Variants in TAFA1 observed in about 807,000 individuals in gnomAD.
TAFA1 encodes TAFA chemokine like family member 1.
In TAFA1, 4 loss-of-function variants were observed where a neutral mutation model predicts 18.5. The ratio of observed to expected loss-of-function variants is 0.22; its 90% CI spans 0.11 to 0.49. The LOEUF (loss-of-function observed/expected upper bound fraction) is 0.49, where lower values mean the gene tolerates loss of function less well. Ranked by LOEUF, TAFA1 falls within the 20% of genes least tolerant of loss-of-function variation. The pLI is 0.98. For missense variants in TAFA1, 147 were observed against 169.0 expected (o/e 0.87, Z 0.72); for synonymous variants, 56 against 55.2 (o/e 1.01, Z -0.06).
chr3:68,088,005 G>C (rs912906173), intron 2 of TAFA1, among the ~76,000 whole-genome samples: 1 of 151,856 alleles, frequency 6.6e-6, no homozygotes, highest in Admixed American at 6.6e-5. Flanking sequence ...TTTGTCTTTC[G>C]GTACTACTAT....
At chr3:68,119,136 G>A (rs888022948) in intron 2 of TAFA1, among the ~76,000 whole-genome samples, 4 of 151,266 alleles carry the variant, frequency 2.6e-5, no homozygotes, top group African/African-American at 9.7e-5. Flanking sequence ...TACTAACATT[G>A]AGCATCTTTT....
chr3:68,150,228 C>G (rs984425042), intron 2 of TAFA1, among the ~76,000 whole-genome samples: 19 of 152,148 alleles, frequency 1.2e-4, no homozygotes, highest in African/African-American at 4.6e-4. Context: ...TCCTAAGATA[C>G]AAAGACGAAT....
At chr3:68,138,486 T>C (rs1274717333) in intron 2 of TAFA1, among the ~76,000 whole-genome samples, 2 of 152,224 alleles carry the variant, frequency 1.3e-5, no homozygotes, top group Admixed American at 1.3e-4. Context: ...TCTATCCTAA[T>C]AAACACGAAA....
the TAFA1 span, among the ~76,000 whole-genome samples, chr3:67,995,349 A>G: frequency 6.6e-6 from 1 of 152,024 alleles, no homozygotes; most frequent in Non-Finnish European, 1.5e-5. Flanking sequence ...CCATCTCCAG[A>G]GTTCCTGATT....
At chr3:68,225,923 C>G (rs916247469) in intron 2 of TAFA1, among the ~76,000 whole-genome samples, 1 of 151,552 alleles carries the variant, frequency 6.6e-6, no homozygotes, top group Non-Finnish European at 1.5e-5. Flanking sequence ...CTTTGAAAAC[C>G]ATCAATATGG....
intron 2 of TAFA1, among the ~76,000 whole-genome samples, chr3:68,179,752 T>C (rs1174587841): frequency 6.6e-6 from 1 of 152,090 alleles, no homozygotes; most frequent in Non-Finnish European, 1.5e-5. Context: ...AATAAATGAA[T>C]TGGATAATAG....
intron 2 of TAFA1, among the ~76,000 whole-genome samples, chr3:68,103,604 T>A (rs2065173274): frequency 6.6e-6 from 1 of 152,148 alleles, no homozygotes; most frequent in Non-Finnish European, 1.5e-5. Context: ...AATTAATAAG[T>A]GTCTGGAAGA....
chr3:68,127,523 G>C (rs2065478065), intron 2 of TAFA1, among the ~76,000 whole-genome samples: 1 of 100,078 alleles, frequency 1.0e-5, no homozygotes, highest in Non-Finnish European at 2.1e-5. Context: ...GGTGAAACAT[G>C]GCACGGCTGC....
chr3:68,411,485 A>G (rs2070716557), intron 2 of TAFA1, among the ~76,000 whole-genome samples: 1 of 152,246 alleles, frequency 6.6e-6, no homozygotes, highest in Non-Finnish European at 1.5e-5. Flanking sequence ...ACAGGAAAGT[A>G]TATTATGTAA....
chr3:68,220,745 T>A (rs981837388), intron 2 of TAFA1, among the ~76,000 whole-genome samples: 2 of 152,150 alleles, frequency 1.3e-5, no homozygotes, highest in Admixed American at 1.3e-4. Flanking sequence ...TGGGTCACAG[T>A]GTTCTTTGGC....
intron 2 of TAFA1, among the ~76,000 whole-genome samples, chr3:68,268,096 G>T (rs187410231): frequency 3.3e-5 from 5 of 152,246 alleles, no homozygotes; most frequent in Admixed American, 3.3e-4. Context: ...AAGAGGTGAG[G>T]CATGTTTTCA....
At chr3:68,112,612 T>G (rs1244989295) in intron 2 of TAFA1, among the ~76,000 whole-genome samples, 4 of 152,116 alleles carry the variant, frequency 2.6e-5, no homozygotes, top group African/African-American at 4.8e-5. Flanking sequence ...TTTTTAATGT[T>G]GTATCCTTGG....
chr3:68,122,326 C>G (rs367571642), intron 2 of TAFA1, among the ~76,000 whole-genome samples: 34 of 152,080 alleles, frequency 2.2e-4, no homozygotes, highest in African/African-American at 8.0e-4. Context: ...AGAAGTGACC[C>G]CTGCAATGTA....
intron 2 of TAFA1, among the ~76,000 whole-genome samples, chr3:68,057,562 A>C (rs1177819942): frequency 6.6e-6 from 1 of 152,216 alleles, no homozygotes; most frequent in Non-Finnish European, 1.5e-5. Context: ...GCAGTGTGTG[A>C]TATGCAAAAT....
rs1040107831 is a variant in TAFA1 at position 68,186,487 on chromosome 3, G to A, written c.118+179743G>A. ...AATGAAACCTATGTTTTACTAAGAC[G>A]TGAGAACTGAAGTTAGACTTTTGTT... On this transcript the variant is annotated intron_variant, in intron 2 of 4. Transcript: ENST00000478136. Among the ~76,000 whole-genome samples the A allele has an allele frequency of 1.2e-4, 19 of 152,158 alleles. No homozygotes were observed. The South Asian group carries it at 2.5e-3, about 20-fold the overall frequency.
intron 3 of TAFA1, among the ~76,000 whole-genome samples, chr3:68,510,549 G>T (rs966079327): frequency 6.6e-6 from 1 of 152,098 alleles, no homozygotes; most frequent in Non-Finnish European, 1.5e-5. Context: ...ATGTTTTGGG[G>T]CAAAAGCCTG....
chr3:68,396,005 G>A (rs762274911), intron 2 of TAFA1, among the ~76,000 whole-genome samples: 16 of 151,924 alleles, frequency 1.1e-4, no homozygotes, highest in Non-Finnish European at 1.9e-4. Context: ...GAGTGTCTGT[G>A]TCTGCATACC....
intron 2 of TAFA1, among the ~76,000 whole-genome samples, chr3:68,172,464 G>A (rs1054638106): frequency 2.6e-5 from 4 of 152,262 alleles, no homozygotes; most frequent in South Asian, 2.1e-4. Flanking sequence ...ATAAAAGGTT[G>A]CAGAAACTTT....
chr3:68,451,162 A>C (rs1212966737), intron 3 of TAFA1, among the ~76,000 whole-genome samples: 1 of 152,228 alleles, frequency 6.6e-6, no homozygotes, highest in Non-Finnish European at 1.5e-5. Context: ...GCTATGAAGC[A>C]GTCATTTTCC....
Sources: gnomAD v4.1 joint callset for allele counts (sites outside exome capture counted in the v4.1 genomes callset) on GRCh38, gnomAD v4.1.1 for gene constraint, MANE v1.5 for transcripts, NCBI Gene and HGNC (gene_info 2026-07-23, HGNC 2026-07-21) for gene names.